The following EXT1 variants were observed in gnomAD, a reference collection of about 807,000 sequenced individuals.
EXT1 encodes the protein exostosin-1.
A neutral mutation model predicts 82.5 loss-of-function variants in EXT1; 20 were observed. That is an observed-to-expected ratio of 0.24 (90% confidence interval 0.17 to 0.35). The LOEUF is 0.35. Ranked by LOEUF, EXT1 falls within the 10% of genes least tolerant of loss-of-function variation. The pLI is 1.00. For synonymous variants in EXT1, 348 were observed against 350.8 expected, an observed-to-expected ratio of 0.99 and a Z score of 0.09; for missense variants, 757 against 936.5, an observed-to-expected ratio of 0.81 and a Z score of 2.50.
chr8:117,962,736 G>A (rs535277050), intron 1 of EXT1, among the ~76,000 whole-genome samples: 95 of 151,620 alleles, frequency 6.3e-4, no homozygotes, highest in Non-Finnish European at 1.1e-3. Flanking sequence ...CTAGGGAATG[G>A]GGAAAGACTC....
chr8:117,923,955 A>G (rs1277713584), intron 1 of EXT1, among the ~76,000 whole-genome samples: 1 of 152,220 alleles, frequency 6.6e-6, no homozygotes, highest in Non-Finnish European at 1.5e-5. Context: ...TGTATTCACC[A>G]TCGTTGATAT....
At chr8:117,862,584 C>T (rs1374156280) in intron 1 of EXT1, among the ~76,000 whole-genome samples, 2 of 145,280 alleles carry the variant, frequency 1.4e-5, no homozygotes, top group Non-Finnish European at 3.1e-5. Flanking sequence ...ACTGAGTGCT[C>T]ATTCCATCCA....
chr8:117,827,784 C>CAAAAAAAAAAAAAAAAAAAAAAAAAAAAA (rs768731740), intron 4 of EXT1, among the ~76,000 whole-genome samples: 1 of 54,140 alleles, frequency 1.8e-5, no homozygotes, highest in African/African-American at 8.0e-5. Context: ...GACTCTGTCT[C>CAAAAAAAAAAAAAAAAAAAAAAAAAAAAA]AAAAAAAAAA....
intron 1 of EXT1, among the ~76,000 whole-genome samples, chr8:117,978,088 T>C (rs924477208): frequency 6.6e-6 from 1 of 152,236 alleles, no homozygotes; most frequent in Non-Finnish European, 1.5e-5. Flanking sequence ...GCATGTCTTC[T>C]ATCTGCTCTG....
At chr8:118,039,909 TG>T (rs1816497211) in intron 1 of EXT1, among the ~76,000 whole-genome samples, 1 of 152,228 alleles carries the variant, frequency 6.6e-6, no homozygotes, top group African/African-American at 2.4e-5. Flanking sequence ...CCTAAGTCCA[TG>T]TAAGCATTTT....
At chr8:117,949,454 TTG>T (rs1169346090) in intron 1 of EXT1, among the ~76,000 whole-genome samples, 2 of 150,538 alleles carry the variant, frequency 1.3e-5, no homozygotes, top group Admixed American at 6.6e-5. Context: ...AGTACCTAGT[TTG>T]TGTGTGTATA....
At chr8:117,864,516 G>A (rs1305263503) in intron 1 of EXT1, among the ~76,000 whole-genome samples, 10 of 152,278 alleles carry the variant, frequency 6.6e-5, no homozygotes, top group African/African-American at 2.2e-4. Flanking sequence ...TTGGGAGGCC[G>A]AGGCGGGCGG....
At chr8:117,926,288 G>A (rs979223073) in intron 1 of EXT1, among the ~76,000 whole-genome samples, 6 of 152,142 alleles carry the variant, frequency 3.9e-5, no homozygotes, top group African/African-American at 1.4e-4. Context: ...TTAGACAGAT[G>A]TATTGGCCCT....
chr8:117,979,026 G>A (rs1815126764), intron 1 of EXT1, among the ~76,000 whole-genome samples: 1 of 152,050 alleles, frequency 6.6e-6, no homozygotes, highest in Non-Finnish European at 1.5e-5. Flanking sequence ...CCAGGCCATG[G>A]CCCCAAGAAG....
chr8:117,986,530 G>T lies in EXT1; in HGVS notation c.962+123555C>A, dbSNP rs201446607. On this transcript the variant is annotated intron_variant, in intron 1 of 10. Coordinates refer to ENST00000378204, the MANE Select transcript of EXT1 (RefSeq NM_000127.3). Reference sequence around the variant, plus strand: ...TTCTTTTAATGAAGAATAAATTTAGGTCTAAAAAATAAGACCAAAGCCCAT... The same window carrying T: ...TTCTTTTAATGAAGAATAAATTTAGTTCTAAAAAATAAGACCAAAGCCCAT... Among the ~76,000 whole-genome samples the T allele has an allele frequency of 2.6e-5, 4 of 152,100 alleles. No individual in the cohort carries two copies. In the East Asian group the frequency reaches 7.7e-4, roughly 29 times the overall value.
intron 1 of EXT1, among the ~76,000 whole-genome samples, chr8:117,901,205 A>T (rs1813441870): frequency 6.6e-6 from 1 of 152,232 alleles, no homozygotes; most frequent in South Asian, 2.1e-4. Flanking sequence ...GAGTGTACTC[A>T]CGCAGACCTG....
chr8:117,920,323 C>T (rs1445763942), intron 1 of EXT1, among the ~76,000 whole-genome samples: 3 of 151,786 alleles, frequency 2.0e-5, no homozygotes, highest in African/African-American at 2.4e-5. Flanking sequence ...AGGCTGGTCT[C>T]GAACTCCTGA....
intron 1 of EXT1, among the ~76,000 whole-genome samples, chr8:117,992,211 G>A (rs1164358297): frequency 6.6e-6 from 1 of 151,930 alleles, no homozygotes; most frequent in African/African-American, 2.4e-5. Flanking sequence ...AGTGGCTAAG[G>A]TAAACATGGC....
chr8:118,006,877 G>A (rs961379500), intron 1 of EXT1, among the ~76,000 whole-genome samples: 2 of 152,170 alleles, frequency 1.3e-5, no homozygotes, highest in Admixed American at 6.5e-5. Flanking sequence ...CTGGAGGACC[G>A]TGGCCATGTA....
chr8:117,822,720 T>A, intron 4 of EXT1, 123 bp from the exon 5 acceptor site: 1 of 1,012,300 alleles, frequency 9.9e-7, no homozygotes, highest in Non-Finnish European at 1.5e-6. Flanking sequence ...TCCCTCCCAC[T>A]TTAATTCTCC....
intron 1 of EXT1, among the ~76,000 whole-genome samples, chr8:117,920,676 T>G (rs1813838773): frequency 6.6e-6 from 1 of 152,200 alleles, no homozygotes; most frequent in Admixed American, 6.5e-5. Flanking sequence ...CAGTCGCTCA[T>G]TAGTTACTCT....
intron 1 of EXT1, among the ~76,000 whole-genome samples, chr8:117,911,366 G>A (rs191591164): frequency 5.8e-4 from 88 of 152,278 alleles, no homozygotes; most frequent in Non-Finnish European, 9.8e-4. Context: ...GCTCTGATAA[G>A]TGATTACTCC....
At chr8:117,915,611 T>C (rs1813732638) in intron 1 of EXT1, among the ~76,000 whole-genome samples, 1 of 152,162 alleles carries the variant, frequency 6.6e-6, no homozygotes. Flanking sequence ...TCCCAGCACT[T>C]TGGGAGACCA....
intron 1 of EXT1, among the ~76,000 whole-genome samples, chr8:117,933,983 C>A (rs1814110716): frequency 1.3e-5 from 2 of 152,098 alleles, no homozygotes; most frequent in Non-Finnish European, 2.9e-5. Flanking sequence ...AGGAGTCTCA[C>A]CACAATCCCA....
Sources: allele counts gnomAD v4.1 joint callset (sites outside exome capture counted in the v4.1 genomes callset), GRCh38; gene constraint gnomAD v4.1.1; transcripts MANE v1.5; gene names NCBI Gene and HGNC (gene_info 2026-07-23, HGNC 2026-07-21).